CBX7: variants seen among roughly 807,000 people sequenced by gnomAD.
The protein encoded by CBX7 is chromobox protein homolog 7.
A neutral mutation model predicts 31.4 loss-of-function variants in CBX7; 14 were observed. The observed-to-expected ratio is 0.45, with a 90% CI of 0.29 to 0.70. The LOEUF (loss-of-function observed/expected upper bound fraction) is 0.70. Ranked by LOEUF, CBX7 falls within the 30% of genes least tolerant of loss-of-function variation. The probability of loss-of-function intolerance (pLI) is 0.11; values close to 1 mark genes in which losing one functional copy is unlikely to be tolerated. For synonymous variants in CBX7, 159 were observed against 152.6 expected, an observed-to-expected ratio of 1.04 and a Z score of -0.31; for missense variants, 269 against 351.9, an observed-to-expected ratio of 0.76 and a Z score of 1.89.
At chr22:39,149,031 G>A (rs1930759091) in intron 2 of CBX7, 1 of 79,742 alleles carries the variant, frequency 1.3e-5, no homozygotes, top group Admixed American at 1.1e-4. Context: ...CCCACGACTA[G>A]CTCATTCCCT....
Position 39,132,342 on chromosome 22 carries a change from C to T in CBX7, c.*1549G>A, listed in dbSNP as rs1930073269. On this transcript the variant is annotated 3_prime_UTR_variant, in exon 6 of 6. Transcript: ENST00000216133. ...GGCGGGCAGGTCTCAAACTTGCTGG[C>T]CGCACTCCACTCTTGGTGTGTGTTA... 2 of 152,192 alleles carry T rather than the reference C, an allele frequency of 1.3e-5. No homozygotes were observed. Among genetic ancestry groups the T allele is most frequent in the Admixed American group, 6.5e-5 (1 of 15,278 alleles). 9.4% of individuals were successfully genotyped at this position (152,192 alleles called of 1,614,324 possible).
chr22:39,132,061 G>C lies in CBX7; in HGVS notation c.*1830C>G, dbSNP rs1930061982. 1 of 152,262 alleles carries C rather than the reference G, an allele frequency of 6.6e-6. No homozygotes were observed. Among genetic ancestry groups the C allele is most frequent in the African/African-American group, 2.4e-5 (1 of 41,436 alleles). The allele number at this position is 152,262 out of a possible 1,614,324, so 9.4% of individuals were successfully genotyped here. A position where few individuals can be genotyped will look rare whatever the true frequency, so the allele number is the denominator to read the frequency against. On this transcript the variant is annotated 3_prime_UTR_variant, in exon 6 of 6. Transcript: ENST00000216133. ...AGATTCCATTCCCTGGGCTGGAGGT[G>C]AATCAGGTCATCCCGGAGGGGACTG...
chr22:39,134,005 C>T lies in CBX7; in HGVS notation c.642G>A (p.Ala214=), dbSNP rs747986976. The T allele has an allele frequency of 1.2e-5, 19 of 1,611,588 alleles. No individual in the cohort carries two copies. The highest frequency in any genetic ancestry group is 7.7e-5 in the South Asian group (7 of 90,958). ...TCACGGTCACCTCACTTGAGGGGAG[C>T]GCAGGTGTCCAGGGAGGGGGCCCCT... ...LAEGPPPWTP[A]LPSSEVTVTD... is the part of the protein sequence containing the mutation. The change falls in exon 6 of 6, where the codon GCG becomes GCA. Residue 214 remains alanine (A), a synonymous_variant. Coordinates refer to ENST00000216133, the MANE Select transcript of CBX7 (RefSeq NM_175709.5).
intron 1 of CBX7, among the ~76,000 whole-genome samples, chr22:39,151,323 C>T (rs1203383292): frequency 6.6e-6 from 1 of 152,202 alleles, no homozygotes; most frequent in East Asian, 1.9e-4. Flanking sequence ...CTCCTGACCA[C>T]CTTGACCTTC....
At chr22:39,134,337 C>A in intron 5 of CBX7, 64 bp downstream of exon 5, 2 of 1,363,340 alleles carry the variant, frequency 1.5e-6, no homozygotes, top group Admixed American at 4.7e-5. Context: ...ATTGAACCAG[C>A]TGGACCTTAT....
chr22:39,144,566 G>T (rs1284433050), intron 2 of CBX7, among the ~76,000 whole-genome samples: 1 of 152,252 alleles, frequency 6.6e-6, no homozygotes, highest in African/African-American at 2.4e-5. Flanking sequence ...AATGCCGAAA[G>T]CGAAACTACA....
chr22:39,138,937 G>C (rs867044940), intron 3 of CBX7, among the ~76,000 whole-genome samples: 1 of 152,216 alleles, frequency 6.6e-6, no homozygotes, highest in South Asian at 2.1e-4. Context: ...GCTGAGGGGG[G>C]ACTTGCAGCA....
At chr22:39,151,880 G>T (rs1930868856) in intron 1 of CBX7, among the ~76,000 whole-genome samples, 1 of 125,006 alleles carries the variant, frequency 8.0e-6, no homozygotes, top group Non-Finnish European at 1.7e-5. Context: ...GGATGTGCTC[G>T]GGTGGCGTAG....
At chr22:39,149,521 G>C in intron 2 of CBX7, 1 of 537,642 alleles carries the variant, frequency 1.9e-6, no homozygotes, top group Admixed American at 3.3e-5. Context: ...ACAGGGAGGG[G>C]AGGAGGGAGA....
At chr22:39,140,506 A>T (rs1286093282) in intron 3 of CBX7, among the ~76,000 whole-genome samples, 1 of 152,226 alleles carries the variant, frequency 6.6e-6, no homozygotes, top group Non-Finnish European at 1.5e-5. Flanking sequence ...AGAACCCAGC[A>T]GCGAGGGGCA....
chr22:39,148,996 G>A (rs1451189493), intron 2 of CBX7: 1 of 151,910 alleles, frequency 6.6e-6, no homozygotes, highest in Admixed American at 6.6e-5. Flanking sequence ...CAGGGGGTGG[G>A]GCACCCACAG....
chr22:39,147,085 A>AATTTT (rs1930687529), intron 2 of CBX7: 1 of 86,394 alleles, frequency 1.2e-5, no homozygotes. Context: ...CAAAGTGTCC[A>AATTTT]CTTTTTTTTT....
In CBX7 at chr22:39,131,692, T is replaced by G. The variant is rs1368086554; in HGVS notation, c.*2199A>C. The G allele has an allele frequency of 6.6e-6, 1 of 152,218 alleles. No individual in the cohort carries two copies. Among genetic ancestry groups the G allele is most frequent in the Non-Finnish European group, 1.5e-5 (1 of 68,068 alleles). The allele number at this position is 152,218 out of a possible 1,614,324, so 9.4% of individuals were successfully genotyped here. ...TCCTGCTGCTGCAGACAAAAGCAACTGCAGCACCCACACAGAAAGCCCCGT... is the reference window on the plus strand; with the variant it reads ...TCCTGCTGCTGCAGACAAAAGCAACGGCAGCACCCACACAGAAAGCCCCGT... On this transcript the variant is annotated 3_prime_UTR_variant, in exon 6 of 6. Coordinates refer to ENST00000216133, the MANE Select transcript of CBX7 (RefSeq NM_175709.5).
chr22:39,149,747 C>G (rs1310276162), intron 2 of CBX7, 42 bp downstream of exon 2: 2 of 1,595,176 alleles, frequency 1.3e-6, no homozygotes, highest in Non-Finnish European at 1.7e-6. Flanking sequence ...ATGCATGGGT[C>G]GGTAGGCAGA....
Position 39,131,727 on chromosome 22 carries a change from G to A in CBX7, c.*2164C>T, listed in dbSNP as rs1930047397. The A allele has an allele frequency of 6.6e-6, 1 of 152,314 alleles. No individual in the cohort carries two copies. The highest frequency in any genetic ancestry group is 1.5e-5 in the Non-Finnish European group (1 of 68,084). The allele number at this position is 152,314 out of a possible 1,614,324, so 9.4% of individuals were successfully genotyped here. On this transcript the variant is annotated 3_prime_UTR_variant, in exon 6 of 6. Coordinates refer to ENST00000216133, the MANE Select transcript of CBX7 (RefSeq NM_175709.5). ...ACACAGAAAGCCCCGTGAATCCACA[G>A]ACCCACAGATTGCGCAAATAGTTCT...
At chr22:39,138,415 C>T (rs933265186) in intron 4 of CBX7, among the ~76,000 whole-genome samples, 1 of 152,150 alleles carries the variant, frequency 6.6e-6, no homozygotes, top group Admixed American at 6.6e-5. Context: ...CAGGTGGCAC[C>T]GCCCACCCAG....
intron 2 of CBX7, chr22:39,148,184 A>G (rs1433339162): frequency 6.6e-6 from 1 of 152,248 alleles, no homozygotes; most frequent in African/African-American, 2.4e-5. Flanking sequence ...TCAGCATGTT[A>G]AGAAACAAAT....
At chr22:39,136,203 G>A (rs1008158281) in intron 4 of CBX7, 1 of 151,884 alleles carries the variant, frequency 6.6e-6, no homozygotes, top group Non-Finnish European at 1.5e-5. Flanking sequence ...CTAAAGGGAC[G>A]CGGGTGCCAA....
At chr22:39,138,108 G>T (rs1930318968) in intron 4 of CBX7, among the ~76,000 whole-genome samples, 1 of 151,490 alleles carries the variant, frequency 6.6e-6, no homozygotes, top group Non-Finnish European at 1.5e-5. Context: ...GTGAACCCGG[G>T]AGGTGGAGCT....
Sources: allele counts gnomAD v4.1 joint callset (sites outside exome capture counted in the v4.1 genomes callset), GRCh38; gene constraint gnomAD v4.1.1; transcripts MANE v1.5; gene names NCBI Gene and HGNC (gene_info 2026-07-23, HGNC 2026-07-21).